The following LPAR3 variants were observed in gnomAD, a reference collection of about 807,000 sequenced individuals.
LPAR3 encodes the protein lysophosphatidic acid receptor 3, also known as LPA receptor 3.
In LPAR3, 7 loss-of-function variants were observed where a neutral mutation model predicts 17.8. The ratio of observed to expected loss-of-function variants is 0.39; its 90% CI spans 0.22 to 0.74. The LOEUF (loss-of-function observed/expected upper bound fraction) is 0.74. Among genes scored for constraint, LPAR3 ranks in the 30% least tolerant of loss-of-function variants. The pLI, the probability that LPAR3 is intolerant of heterozygous loss-of-function variation, is 0.40. For synonymous variants in LPAR3, 179 were observed against 179.9 expected (o/e 0.99, Z 0.04); for missense variants, 391 against 453.4 (o/e 0.86, Z 1.25).
chr1:84,851,467 T>C (rs1659711052), intron 2 of LPAR3, among the ~76,000 whole-genome samples: 1 of 152,198 alleles, frequency 6.6e-6, no homozygotes, highest in Non-Finnish European at 1.5e-5. Context: ...CACACAGTCC[T>C]GTCCCTGAGA....
chr1:84,871,733 C>T (rs1016557486), intron 1 of LPAR3, among the ~76,000 whole-genome samples: 6 of 152,066 alleles, frequency 3.9e-5, no homozygotes, highest in Admixed American at 2.6e-4. Context: ...GATTTAAATC[C>T]ACATGAAATC....
intron 2 of LPAR3, among the ~76,000 whole-genome samples, chr1:84,818,699 C>T (rs1244592019): frequency 6.6e-6 from 1 of 152,140 alleles, no homozygotes; most frequent in African/African-American, 2.4e-5. Context: ...CCTGGGTGCC[C>T]ACCCCAGGAG....
At chr1:84,870,037 CT>C (rs1660130365) in intron 1 of LPAR3, among the ~76,000 whole-genome samples, 1 of 152,190 alleles carries the variant, frequency 6.6e-6, no homozygotes, top group Non-Finnish European at 1.5e-5. Context: ...GATTATCATA[CT>C]GTCTTAGCTA....
chr1:84,849,937 C>T (rs1419194212), intron 2 of LPAR3, among the ~76,000 whole-genome samples: 2 of 152,120 alleles, frequency 1.3e-5, no homozygotes, highest in African/African-American at 4.8e-5. Context: ...CATTCCAGGG[C>T]CGGCCTCTCG....
At chr1:84,868,807 G>A (rs1660103909) in intron 1 of LPAR3, among the ~76,000 whole-genome samples, 1 of 151,954 alleles carries the variant, frequency 6.6e-6, no homozygotes, top group African/African-American at 2.4e-5. Context: ...CTTTGATCTT[G>A]GACCTCCTAG....
At chr1:84,861,084 A>C (rs1317493083) in intron 2 of LPAR3, among the ~76,000 whole-genome samples, 2 of 152,206 alleles carry the variant, frequency 1.3e-5, no homozygotes, top group Admixed American at 1.3e-4. Context: ...TGTATCAAGG[A>C]GTAAATGGAA....
At chr1:84,885,331 T>A (rs141573443) in intron 1 of LPAR3, among the ~76,000 whole-genome samples, 155 of 152,110 alleles carry the variant, frequency 1.0e-3, no homozygotes, top group African/African-American at 3.6e-3. Flanking sequence ...AAAACTGGAG[T>A]GCTATCAGAT....
intron 2 of LPAR3, among the ~76,000 whole-genome samples, chr1:84,823,450 A>G (rs1297761838): frequency 6.6e-6 from 1 of 152,200 alleles, no homozygotes. Flanking sequence ...GATGCTTCAA[A>G]TAGATGATGA....
At chr1:84,834,209 T>G (rs1659349789) in intron 2 of LPAR3, among the ~76,000 whole-genome samples, 1 of 152,200 alleles carries the variant, frequency 6.6e-6, no homozygotes, top group Non-Finnish European at 1.5e-5. Flanking sequence ...TATATATTGG[T>G]ACCATTTACT....
At chr1:84,867,431 G>A (rs1660072568) in intron 1 of LPAR3, among the ~76,000 whole-genome samples, 2 of 152,142 alleles carry the variant, frequency 1.3e-5, no homozygotes, top group Admixed American at 1.3e-4. Context: ...TAAAAGCTCA[G>A]TAAAAGCCCC....
At chr1:84,856,469 T>G (rs1451453751) in intron 2 of LPAR3, among the ~76,000 whole-genome samples, 1 of 152,238 alleles carries the variant, frequency 6.6e-6, no homozygotes, top group Non-Finnish European at 1.5e-5. Flanking sequence ...CAGGCTTCTG[T>G]GTTGCAGAAG....
At chr1:84,837,086 G>A (rs577729332) in intron 2 of LPAR3, among the ~76,000 whole-genome samples, 44 of 147,768 alleles carry the variant, frequency 3.0e-4, no homozygotes. Flanking sequence ...GTGCAATGGT[G>A]CAATGGCTCA....
At chr1:84,883,006 G>C (rs1030433600) in intron 1 of LPAR3, among the ~76,000 whole-genome samples, 1 of 152,162 alleles carries the variant, frequency 6.6e-6, no homozygotes, top group East Asian at 1.9e-4. Flanking sequence ...GAGATTTAAA[G>C]GTGCTTAGAC....
chr1:84,823,865 C>T (rs1290587462), intron 2 of LPAR3, among the ~76,000 whole-genome samples: 1 of 152,192 alleles, frequency 6.6e-6, no homozygotes, highest in Non-Finnish European at 1.5e-5. Flanking sequence ...GACAGAGTAG[C>T]AGCTATTTGC....
intron 2 of LPAR3, among the ~76,000 whole-genome samples, chr1:84,824,772 T>C (rs1291442861): frequency 2.0e-5 from 3 of 151,896 alleles, no homozygotes; most frequent in Admixed American, 1.3e-4. Context: ...TCTGGGAGAG[T>C]ATTTCAGTTG....
intron 1 of LPAR3, among the ~76,000 whole-genome samples, chr1:84,884,137 T>G (rs886466418): frequency 6.6e-6 from 1 of 152,244 alleles, no homozygotes; most frequent in Non-Finnish European, 1.5e-5. Flanking sequence ...TGTTCTCCCT[T>G]GCCTTTACCT....
At chr1:84,848,746 C>T (rs1451007187) in intron 2 of LPAR3, among the ~76,000 whole-genome samples, 2 of 152,128 alleles carry the variant, frequency 1.3e-5, no homozygotes, top group African/African-American at 4.8e-5. Flanking sequence ...TGCTGTGTCA[C>T]CTCAGCATCT....
In LPAR3 at chr1:84,865,412, G is replaced by A; in HGVS notation, c.709C>T (p.Leu237=). Residue 237 remains leucine (L), a synonymous_variant, in exon 2 of 3, where the codon CTA becomes TTA. Transcript: ENST00000370611. ...AAGACAGTCATCACCGTCTTCATTA[G>A]CTTCATGGGTGTCCTCCGGCGGCTG... ...SISRRRTPMK[L]MKTVMTVLGA... The A allele has an allele frequency of 6.2e-7, 1 of 1,613,714 alleles. No individual in the cohort carries two copies. The highest frequency in any genetic ancestry group is 8.5e-7 in the Non-Finnish European group (1 of 1,179,792).
At chr1:84,847,631 T>A (rs1392681014) in intron 2 of LPAR3, among the ~76,000 whole-genome samples, 1 of 152,152 alleles carries the variant, frequency 6.6e-6, no homozygotes. Flanking sequence ...GGTGTCTGTT[T>A]TATATCCTAG....
Sources: gnomAD v4.1 joint callset for allele counts (sites outside exome capture counted in the v4.1 genomes callset) on GRCh38, gnomAD v4.1.1 for gene constraint, MANE v1.5 for transcripts, NCBI Gene and HGNC (gene_info 2026-07-23, HGNC 2026-07-21) for gene names.